Variants in AAAS observed in about 807,000 individuals in gnomAD.
AAAS encodes the protein aladin.
In AAAS, 60 loss-of-function variants were observed where a neutral mutation model predicts 75.6. The ratio of observed to expected loss-of-function variants is 0.79; its 90% CI spans 0.64 to 0.98. The LOEUF (loss-of-function observed/expected upper bound fraction) is 0.98. Ranked by LOEUF, AAAS falls within the 50% of genes least tolerant of loss-of-function variation. The pLI is 0.00. For missense variants in AAAS, 658 were observed against 686.9 expected (o/e 0.96, Z 0.47); for synonymous variants, 271 against 265.0 (o/e 1.02, Z -0.22).
Position 53,307,717 on chromosome 12 carries a change from C to T in AAAS, c.1417-4G>A, listed in dbSNP as rs1157925032. 1.2e-6 allele frequency: 2 copies of T among 1,613,882 alleles called. No individual in the cohort carries two copies. Among genetic ancestry groups the T allele is most frequent in the Non-Finnish European group, 1.7e-6 (2 of 1,180,016 alleles). On this transcript the variant is annotated splice_region_variant and splice_polypyrimidine_tract_variant and intron_variant, in intron 15 of 15. Coordinates refer to ENST00000209873, the MANE Select transcript of AAAS (RefSeq NM_015665.6). ...CAATTCGGCCTGTGGACCAGCCCTG[C>T]AGAGAAGGGAAAGAAAAGGATCAGA...
At position 53,307,671 on chromosome 12, in the gene AAAS, C is replaced by CA. The variant is rs774646805; in HGVS notation, c.1458dup (p.Val487CysfsTer9). 1 of 1,614,166 alleles carries CA rather than the reference C, an allele frequency of 6.2e-7. No homozygotes were observed. Among genetic ancestry groups the CA allele is most frequent in the Non-Finnish European group, 8.5e-7 (1 of 1,180,042 alleles). On this transcript the variant is annotated frameshift_variant, in exon 16 of 16. Coordinates refer to ENST00000209873, the MANE Select transcript of AAAS (RefSeq NM_015665.6). LOFTEE classifies it high-confidence loss of function. ...CTAAAACGTGGAAACTGGGCATTGA[C>CA]AAAGTACAGCGGGATGTGGGCAATT...
At chr12:53,319,559 C>T (rs1049692384) in intron 2 of AAAS, among the ~76,000 whole-genome samples, 1 of 130,444 alleles carries the variant, frequency 7.7e-6, no homozygotes, top group Non-Finnish European at 1.6e-5. Context: ...TAGCTGTAAT[C>T]TCAGCACTTT....
intron 7 of AAAS, among the ~76,000 whole-genome samples, chr12:53,313,735 A>C (rs1334847321): frequency 6.6e-6 from 1 of 151,248 alleles, no homozygotes; most frequent in African/African-American, 2.4e-5. Context: ...CAGCTTCCCG[A>C]GTAGCTGGGA....
chr12:53,313,284 C>T (rs1944418010), intron 7 of AAAS, among the ~76,000 whole-genome samples: 1 of 150,714 alleles, frequency 6.6e-6, no homozygotes, highest in East Asian at 2.0e-4. Context: ...GTGTCTCAGC[C>T]TCCCAAGTAG....
At position 53,321,546 on chromosome 12, in the gene AAAS, G is replaced by A. The variant is rs1944558724; in HGVS notation, c.-81C>T. The A allele has an allele frequency of 1.2e-6, 2 of 1,606,492 alleles. No homozygotes were observed. The highest frequency in any genetic ancestry group is 2.2e-5 in the East Asian group (1 of 44,854). On this transcript the variant is annotated 5_prime_UTR_variant, in exon 1 of 16. Transcript: ENST00000209873. ...ACCGCACTCCCGCAACTCGGTTCCCGGGCTAGATTCGTATGCGGACGGGTA... is the reference window on the plus strand; with the variant it reads ...ACCGCACTCCCGCAACTCGGTTCCCAGGCTAGATTCGTATGCGGACGGGTA...
intron 1 of AAAS, 74 bp from the exon 2 acceptor site, chr12:53,320,766 C>A: frequency 6.5e-7 from 1 of 1,549,482 alleles, no homozygotes; most frequent in Non-Finnish European, 8.9e-7. Flanking sequence ...CCATCTCCAA[C>A]CCACCGCTGG....
At chr12:53,310,249 C>G (rs536610970) in intron 7 of AAAS, among the ~76,000 whole-genome samples, 4 of 152,364 alleles carry the variant, frequency 2.6e-5, no homozygotes, top group African/African-American at 9.6e-5. Flanking sequence ...GCAGCTCCCG[C>G]GTTTGCTCCT....
At position 53,311,772 on chromosome 12, in the gene AAAS, G is replaced by A. The variant is rs144292402; in HGVS notation, c.690-2051C>T. ...CTCTACTAAAAATAAAAAATTAGCC[G>A]GTGTGGTGGCACGCACCTGTAGTCC... On this transcript the variant is annotated intron_variant, in intron 7 of 15. Coordinates refer to ENST00000209873, the MANE Select transcript of AAAS (RefSeq NM_015665.6). Among the ~76,000 whole-genome samples the A allele has an allele frequency of 8.7e-3, 1,321 of 151,736 alleles. 51 individuals are homozygous for A. The highest frequency in any genetic ancestry group is 0.05 in the East Asian group (257 of 5,128).
rs776907854 is a variant in AAAS, at chr12:53,307,499, G to T, written c.1631C>A (p.Ser544Tyr). 2 of 1,613,036 alleles carry T rather than the reference G, an allele frequency of 1.2e-6. No homozygotes were observed. Among genetic ancestry groups the T allele is most frequent in the South Asian group, 2.2e-5 (2 of 91,058 alleles). ...AAAACTTATTTATTCTTAGAGGTGGGAATGTGGGGAGTGGGGCAGAACAGG... is the reference window on the plus strand; with the variant it reads ...AAAACTTATTTATTCTTAGAGGTGGTAATGTGGGGAGTGGGGCAGAACAGG... ...PPPVLPHSPH[S>Y]HL Residue 544 changes from serine to tyrosine, a missense_variant, in exon 16 of 16, where the codon TCC becomes TAC. By Grantham distance (144) the Ser-to-Tyr change is moderately radical. Coordinates refer to ENST00000209873, the MANE Select transcript of AAAS (RefSeq NM_015665.6).
intron 2 of AAAS, among the ~76,000 whole-genome samples, chr12:53,319,878 T>C (rs1045890001): frequency 3.3e-5 from 5 of 150,932 alleles, no homozygotes; most frequent in Non-Finnish European, 7.4e-5. Flanking sequence ...CCCAGCACTT[T>C]GGGAGGCCAA....
Position 53,321,540 on chromosome 12 carries a change from G to GGAGTGATTCGGCTAGA in AAAS, c.-76_-75insTCTAGCCGAATCACTC. ...GCACAGACCGCACTCCCGCAACTCG[G>GGAGTGATTCGGCTAGA]TTCCCGGGCTAGATTCGTATGCGGA... is the stretch of plus-strand genomic sequence containing the variant. On this transcript the variant is annotated 5_prime_UTR_variant, in exon 1 of 16. Transcript: ENST00000209873. 1.9e-6 allele frequency: 3 copies of GGAGTGATTCGGCTAGA among 1,608,394 alleles called. No individual in the cohort carries two copies. The highest frequency in any genetic ancestry group is 2.5e-6 in the Non-Finnish European group (3 of 1,179,286).
At position 53,308,543 on chromosome 12, in the gene AAAS, G is replaced by C. The variant is rs765180773; in HGVS notation, c.1088-15C>G. The stretch of plus-strand genomic sequence containing the variant: ...CTTTCCCTCACCTGTGGACAAATAA[G>C]AGCAGAGAGGTTCTTGCAAGAAACA... On this transcript the variant is annotated splice_polypyrimidine_tract_variant and intron_variant, in intron 11 of 15. Coordinates refer to ENST00000209873, the MANE Select transcript of AAAS (RefSeq NM_015665.6). 1.9e-6 allele frequency: 3 copies of C among 1,613,920 alleles called. No individual in the cohort carries two copies. In the African/African-American group the frequency reaches 4.0e-5, roughly 22 times the overall value.
intron 2 of AAAS, 91 bp downstream of exon 2, chr12:53,320,474 T>C: frequency 6.4e-7 from 1 of 1,569,820 alleles, no homozygotes. Context: ...TGAATAAAAG[T>C]CTTTTGAAGA....
chr12:53,309,180 A>G lies in AAAS; in HGVS notation c.912T>C (p.Ala304=), dbSNP rs138749872. 9.9e-6 allele frequency: 16 copies of G among 1,614,028 alleles called. No homozygotes were observed. The Admixed American group carries it at 1.7e-4, about 17-fold the overall frequency. Reference sequence around the variant, plus strand: ...ACCGAAAGACAGCTGAAGGAGTGGTAGCCAGGATTTTGCTGCCGTCTGGGG... The same window carrying G: ...ACCGAAAGACAGCTGAAGGAGTGGTGGCCAGGATTTTGCTGCCGTCTGGGG... ...LWSPDGSKIL[A]TTPSAVFRVW... is the part of the protein sequence containing the mutation. The change falls in exon 9 of 16, where the codon GCT becomes GCC. Residue 304 remains alanine, a synonymous_variant. Transcript: ENST00000209873.
At chr12:53,309,109 G>A (rs1944344699) in intron 9 of AAAS, 48 bp downstream of exon 9, 1 of 1,614,226 alleles carries the variant, frequency 6.2e-7, no homozygotes, top group Non-Finnish European at 8.5e-7. Flanking sequence ...CAGGAGCTAA[G>A]TGCCTTTCTC....
At chr12:53,310,070 C>T (rs1037758441) in intron 7 of AAAS, among the ~76,000 whole-genome samples, 1 of 152,350 alleles carries the variant, frequency 6.6e-6, no homozygotes, top group Admixed American at 6.5e-5. Flanking sequence ...ACACAGCTCT[C>T]TGCCCACAGG....
At chr12:53,317,741 C>CAA (rs766508216) in intron 2 of AAAS, among the ~76,000 whole-genome samples, 2 of 118,768 alleles carry the variant, frequency 1.7e-5, no homozygotes, top group Non-Finnish European at 1.8e-5. Flanking sequence ...GACTCTGTCT[C>CAA]AAAAAAAAAA....
chr12:53,312,823 A>G (rs1329236672), intron 7 of AAAS, among the ~76,000 whole-genome samples: 12 of 144,516 alleles, frequency 8.3e-5, no homozygotes, highest in Non-Finnish European at 4.5e-5. Context: ...GTGTATATAT[A>G]TAAAACATAT....
chr12:53,313,126 G>C (rs1371161618), intron 7 of AAAS, among the ~76,000 whole-genome samples: 1 of 149,502 alleles, frequency 6.7e-6, no homozygotes, highest in African/African-American at 2.5e-5. Context: ...AAAGTGCTGG[G>C]ATTACAGGCG....
Sources: allele counts gnomAD v4.1 joint callset (sites outside exome capture counted in the v4.1 genomes callset), GRCh38; gene constraint gnomAD v4.1.1; transcripts MANE v1.5; gene names NCBI Gene and HGNC (gene_info 2026-07-23, HGNC 2026-07-21).